GAPVD1: variants seen among roughly 807,000 people sequenced by gnomAD.
GAPVD1 encodes GTPase activating protein and VPS9 domains 1.
A neutral mutation model predicts 155.5 loss-of-function variants in GAPVD1; 35 were observed. The observed-to-expected ratio is 0.23, with a 90% CI of 0.17 to 0.30. GAPVD1 has a LOEUF of 0.30. Among genes scored for constraint, GAPVD1 ranks in the 10% least tolerant of loss-of-function variants. GAPVD1 has a pLI of 1.00. For missense variants in GAPVD1, 1,429 were observed against 1,775.7 expected (o/e 0.80, Z 3.51); for synonymous variants, 636 against 619.7 (o/e 1.03, Z -0.39).
intron 2 of GAPVD1, among the ~76,000 whole-genome samples, chr9:125,270,680 A>C (rs1430150395): frequency 1.3e-5 from 2 of 152,086 alleles, no homozygotes; most frequent in Non-Finnish European, 2.9e-5. Context: ...GCAGTGGCTC[A>C]CGCCTGTAAT....
At chr9:125,323,225 G>C (rs921989258) in intron 10 of GAPVD1, among the ~76,000 whole-genome samples, 2 of 151,802 alleles carry the variant, frequency 1.3e-5, no homozygotes, top group Non-Finnish European at 2.9e-5. Flanking sequence ...CCCTGCCTCA[G>C]CCTCCTAAGT....
intron 9 of GAPVD1, among the ~76,000 whole-genome samples, chr9:125,317,838 A>G (rs1057159410): frequency 4.6e-5 from 7 of 152,282 alleles, no homozygotes; most frequent in African/African-American, 1.2e-4. Context: ...AGAAGGAACC[A>G]TATAGAAATT....
intron 2 of GAPVD1, among the ~76,000 whole-genome samples, chr9:125,274,079 G>A (rs550394567): frequency 4.6e-5 from 7 of 151,982 alleles, no homozygotes; most frequent in African/African-American, 1.4e-4. Context: ...GTGCAGTGGC[G>A]CAATCTTGGC....
At chr9:125,361,568 T>C (rs971967582) in intron 27 of GAPVD1, among the ~76,000 whole-genome samples, 1 of 151,816 alleles carries the variant, frequency 6.6e-6, no homozygotes, top group East Asian at 1.9e-4. Context: ...TGGGGCTCAG[T>C]ATATAATTAT....
intron 14 of GAPVD1, 117 bp from the exon 15 acceptor site, chr9:125,332,393 A>G: frequency 1.3e-6 from 1 of 764,378 alleles, no homozygotes. Context: ...CTAAACTCAC[A>G]TGTATAGAAC....
intron 15 of GAPVD1, chr9:125,335,247 C>T (rs775081613): frequency 1.3e-6 from 1 of 760,826 alleles, no homozygotes; most frequent in Non-Finnish European, 2.4e-6. Context: ...ATCCAGCTGT[C>T]TTCTAGTAAG....
At chr9:125,262,435 ATCTT>A (rs1488936624) in intron 1 of GAPVD1, among the ~76,000 whole-genome samples, 4 of 152,178 alleles carry the variant, frequency 2.6e-5, no homozygotes, top group African/African-American at 9.6e-5. Flanking sequence ...TGTACTTGGC[ATCTT>A]TCCACTTGCT....
chr9:125,347,114 C>T (rs1848610611), intron 20 of GAPVD1, 173 bp downstream of exon 20: 11 of 662,408 alleles, frequency 1.7e-5, no homozygotes, highest in East Asian at 2.7e-5. Flanking sequence ...TGGATTCTCC[C>T]ACTAGCCCTG....
chr9:125,277,937 G>A (rs1016959019), intron 2 of GAPVD1, among the ~76,000 whole-genome samples: 11 of 151,978 alleles, frequency 7.2e-5, no homozygotes, highest in Non-Finnish European at 1.2e-4. Flanking sequence ...CGAAGTGTTG[G>A]GATTATAAGC....
chr9:125,356,641 A>G (rs762292413), intron 25 of GAPVD1, among the ~76,000 whole-genome samples: 20 of 151,976 alleles, frequency 1.3e-4, no homozygotes, highest in Non-Finnish European at 2.2e-4. Flanking sequence ...TGCTGGTACT[A>G]TAGGTGCACA....
chr9:125,330,737 G>A (rs1845948520), intron 13 of GAPVD1, among the ~76,000 whole-genome samples: 1 of 152,184 alleles, frequency 6.6e-6, no homozygotes, highest in African/African-American at 2.4e-5. Context: ...AGACTGTGAT[G>A]GCAGGTGCTT....
At position 125,302,571 on chromosome 9, in the gene GAPVD1, A is replaced by C. The variant is rs1303821978; in HGVS notation, c.774A>C (p.Leu258=). ...QEMVESNEAK[L]VALVNKFIGY... is the part of the protein sequence containing the mutation. ...TGGTGGAGTCCAATGAAGCAAAGCT[A>C]GTGGCTTTGGTGAACAAATTTATTG... Residue 258 remains leucine (L), a synonymous_variant, in exon 5 of 28, where the codon CTA becomes CTC. Coordinates refer to ENST00000297933, the MANE Select transcript of GAPVD1 (RefSeq NM_001282680.3). 1.2e-6 allele frequency: 2 copies of C among 1,613,686 alleles called. No individual in the cohort carries two copies. The highest frequency in any genetic ancestry group is 2.7e-5 in the African/African-American group (2 of 74,920).
Position 125,357,535 on chromosome 9 carries a change from C to T in GAPVD1, c.3971+1678C>T, listed in dbSNP as rs1056311652. Among the ~76,000 whole-genome samples, 15 of 151,992 alleles carry T rather than the reference C, an allele frequency of 9.9e-5. No homozygotes were observed. In the East Asian group the frequency reaches 1.4e-3, roughly 14 times the overall value. On this transcript the variant is annotated intron_variant, in intron 25 of 27. Transcript: ENST00000297933. ...CAGAGGTTGCAGTGAGCTGAGATCG[C>T]GCCACTGCACTCCAGCCTAGGCAAC...
At chr9:125,312,356 A>G in intron 8 of GAPVD1, 96 bp from the exon 9 acceptor site, 1 of 772,384 alleles carries the variant, frequency 1.3e-6, no homozygotes, top group Non-Finnish European at 2.0e-6. Flanking sequence ...GCATGTGCAA[A>G]TGTTCTGCAC....
intron 23 of GAPVD1, among the ~76,000 whole-genome samples, chr9:125,353,103 GT>G (rs763169407): frequency 2.1e-4 from 31 of 150,912 alleles, no homozygotes; most frequent in Non-Finnish European, 3.2e-4. Flanking sequence ...GTGAAACTCT[GT>G]CTCAAGAAAA....
intron 1 of GAPVD1, among the ~76,000 whole-genome samples, chr9:125,268,069 C>T (rs1031535745): frequency 3.3e-5 from 5 of 151,914 alleles, no homozygotes; most frequent in Non-Finnish European, 5.9e-5. Context: ...GAGGCTGAGG[C>T]AGGAGAATCG....
intron 15 of GAPVD1, among the ~76,000 whole-genome samples, chr9:125,336,555 C>T (rs1223578428): frequency 6.6e-6 from 1 of 152,042 alleles, no homozygotes; most frequent in African/African-American, 2.4e-5. Context: ...ACCATCTTGC[C>T]CAGACTGGTC....
rs571382292 is a variant in GAPVD1, at chr9:125,293,650, T to A, written c.-149-1808T>A. ...ATATTATATATATATAATATAAAAA[T>A]ATATATATTATATATATAATATAAA... On this transcript the variant is annotated intron_variant, in intron 2 of 27. Coordinates refer to ENST00000297933, the MANE Select transcript of GAPVD1 (RefSeq NM_001282680.3). 3.8e-3 allele frequency among the ~76,000 whole-genome samples: 473 copies of A among 125,186 alleles called. 16 individuals carry two copies. The Admixed American group carries it at 0.041, about 11-fold the overall frequency. 82.1% of individuals were successfully genotyped at this position (125,186 alleles called of 152,430 possible).
At chr9:125,321,914 T>C (rs1844376240) in intron 10 of GAPVD1, among the ~76,000 whole-genome samples, 1 of 152,192 alleles carries the variant, frequency 6.6e-6, no homozygotes. Flanking sequence ...CTTACTAGTA[T>C]TTCAATATGT....
Sources: allele counts gnomAD v4.1 joint callset (sites outside exome capture counted in the v4.1 genomes callset), GRCh38; gene constraint gnomAD v4.1.1; transcripts MANE v1.5; gene names NCBI Gene and HGNC (gene_info 2026-07-23, HGNC 2026-07-21).